Variants in GPX3 observed in about 807,000 individuals in gnomAD.
GPX3 encodes the protein glutathione peroxidase 3, also known as GPx-3.
GPX3 carries 22 observed loss-of-function variants against 25.1 expected under a neutral mutation model. The ratio of observed to expected loss-of-function variants is 0.88; its 90% CI spans 0.63 to 1.25. GPX3 has a LOEUF of 1.25. GPX3 is among the 50% of genes most tolerant of loss of function. The probability of loss-of-function intolerance (pLI) is 0.00; values close to 1 mark genes in which losing one functional copy is unlikely to be tolerated. For synonymous variants in GPX3, 110 were observed against 114.5 expected (o/e 0.96, Z 0.25); for missense variants, 278 against 286.6 (o/e 0.97, Z 0.22).
chr5:151,022,111 C>T (rs972127979), intron 1 of GPX3, among the ~76,000 whole-genome samples: 2 of 152,208 alleles, frequency 1.3e-5, no homozygotes, highest in African/African-American at 2.4e-5. Context: ...CATCCCTGTT[C>T]ATAATCCCCA....
rs749907550 is a variant in GPX3, at chr5:151,025,431, C to G, written c.179C>G (p.Ala60Gly). 1.9e-6 allele frequency: 3 copies of G among 1,612,854 alleles called. No individual in the cohort carries two copies. The highest frequency in any genetic ancestry group is 2.5e-6 in the Non-Finnish European group (3 of 1,179,396). Reference protein sequence around the residue: ...GEEYIPFKQYAGKYVLFVNVA... With the variant: ...GEEYIPFKQYGGKYVLFVNVA... ...GAGTACATCCCCTTCAAGCAGTATG[C>G]TGGCAAATACGTCCTCTTTGTCAAC... The change falls in exon 2 of 5, where the codon GCT becomes GGT. Residue 60 changes from alanine (A) to glycine (G), a missense_variant. Ala to Gly is a moderately conservative substitution (Grantham distance 60). Coordinates refer to ENST00000388825, the MANE Select transcript of GPX3 (RefSeq NM_002084.5).
At chr5:151,023,378 C>T (rs777085124) in intron 1 of GPX3, among the ~76,000 whole-genome samples, 2 of 152,136 alleles carry the variant, frequency 1.3e-5, no homozygotes, top group Non-Finnish European at 2.9e-5. Context: ...TTCCCACAAC[C>T]ATTTTGGGCA....
At chr5:151,024,058 T>C (rs1211101311) in intron 1 of GPX3, among the ~76,000 whole-genome samples, 1 of 152,194 alleles carries the variant, frequency 6.6e-6, no homozygotes, top group Non-Finnish European at 1.5e-5. Flanking sequence ...TTCTCCAGAA[T>C]TGAGGGGAAG....
chr5:151,024,793 T>G (rs1756523356), intron 1 of GPX3, among the ~76,000 whole-genome samples: 1 of 152,212 alleles, frequency 6.6e-6, no homozygotes, highest in African/African-American at 2.4e-5. Flanking sequence ...TCCTGCAGAT[T>G]GGGAGCCTCT....
At chr5:151,026,002 T>G (rs1236729184) in intron 2 of GPX3, among the ~76,000 whole-genome samples, 1 of 142,312 alleles carries the variant, frequency 7.0e-6, no homozygotes, top group East Asian at 2.1e-4. Flanking sequence ...TAGTTTAGCC[T>G]TCCCCTCTTC....
chr5:151,022,188 T>C (rs1326477063), intron 1 of GPX3, among the ~76,000 whole-genome samples: 1 of 152,174 alleles, frequency 6.6e-6, no homozygotes, highest in Non-Finnish European at 1.5e-5. Context: ...GGGTGGGCCA[T>C]AGACAGGCCA....
chr5:151,025,571 G>A, intron 2 of GPX3, 78 bp downstream of exon 2: 1 of 1,276,586 alleles, frequency 7.8e-7, no homozygotes, highest in Non-Finnish European at 1.1e-6. Flanking sequence ...TCTGGTGCAT[G>A]GGGGAAAGGG....
chr5:151,024,330 G>C (rs111754352), intron 1 of GPX3, among the ~76,000 whole-genome samples: 3 of 152,130 alleles, frequency 2.0e-5, no homozygotes, highest in Non-Finnish European at 2.9e-5. Context: ...TCTGTGTCAC[G>C]GGCAGAGTAG....
chr5:151,025,634 TG>T (rs926909155), intron 2 of GPX3, 141 bp downstream of exon 2: 2 of 692,916 alleles, frequency 2.9e-6, no homozygotes, highest in African/African-American at 3.7e-5. Context: ...CTGTGTTCCG[TG>T]GTTTTGTGAA....
chr5:151,028,838 CCTGT>C lies in GPX3; in HGVS notation c.*712_*715del, dbSNP rs1457932108. 6.5e-6 allele frequency: 1 copy of C among 152,806 alleles called. No homozygotes were observed. Among genetic ancestry groups the C allele is most frequent in the Non-Finnish European group, 1.5e-5 (1 of 68,218 alleles). 9.5% of individuals were successfully genotyped at this position (152,806 alleles called of 1,614,324 possible). A position where few individuals can be genotyped will look rare whatever the true frequency, so the allele number is the denominator to read the frequency against. ...CCCTTGTGGGCGGACCTCCCCTGAG[CCTGT>C]CTGAGGGGCCAGCCCTTAGTGCATT... On this transcript the variant is annotated 3_prime_UTR_variant, in exon 5 of 5. Transcript: ENST00000388825.
intron 1 of GPX3, among the ~76,000 whole-genome samples, chr5:151,024,600 G>A (rs1031636145): frequency 1.3e-5 from 2 of 152,218 alleles, no homozygotes; most frequent in African/African-American, 4.8e-5. Context: ...TTGTCCTGGA[G>A]GCTGACTGTG....
chr5:151,025,462 C>T lies in GPX3; in HGVS notation c.210C>T (p.Ala70=). ...AGKYVLFVNV[A]SYUGLTGQYI... is the part of the protein sequence containing the mutation. Reference sequence around the variant, plus strand: ...AATACGTCCTCTTTGTCAACGTGGCCAGCTACTGAGGCCTGACGGGCCAGT... The same window carrying T: ...AATACGTCCTCTTTGTCAACGTGGCTAGCTACTGAGGCCTGACGGGCCAGT... Residue 70 remains alanine (A), a synonymous_variant, in exon 2 of 5, where the codon GCC becomes GCT. Transcript: ENST00000388825. 1 of 1,611,792 alleles carries T rather than the reference C, an allele frequency of 6.2e-7. No homozygotes were observed. Among genetic ancestry groups the T allele is most frequent in the Non-Finnish European group, 8.5e-7 (1 of 1,179,026 alleles).
chr5:151,028,360 T>C lies in GPX3; in HGVS notation c.*230T>C, dbSNP rs1581700389. 9.1e-6 allele frequency: 5 copies of C among 552,420 alleles called. No individual in the cohort carries two copies. In the East Asian group the frequency reaches 1.2e-4, roughly 14 times the overall value. The allele number at this position is 552,420 out of a possible 1,614,324, so 34.2% of individuals were successfully genotyped here. A position where few individuals can be genotyped will look rare whatever the true frequency, so the allele number is the denominator to read the frequency against. On this transcript the variant is annotated 3_prime_UTR_variant, in exon 5 of 5. Coordinates refer to ENST00000388825, the MANE Select transcript of GPX3 (RefSeq NM_002084.5). ...ACAGGTATGCGTGATTGTGTGTGTG[T>C]GCATGGGTGTACAGCCACGTGTCTA... is the stretch of plus-strand genomic sequence containing the variant.
In GPX3 at chr5:151,026,880, GCT is replaced by G; in HGVS notation, c.242-17_242-16del. 4 of 1,569,290 alleles carry G rather than the reference GCT, an allele frequency of 2.5e-6. No individual in the cohort carries two copies. Among genetic ancestry groups the G allele is most frequent in the Non-Finnish European group, 3.5e-6 (4 of 1,141,000 alleles). ...TCCTCGCCAGGATACTCCCACATCT[GCT>G]CTTTCTCTTTGGCCCAGAACTGAAT... On this transcript the variant is annotated intron_variant, in intron 2 of 4. Coordinates refer to ENST00000388825, the MANE Select transcript of GPX3 (RefSeq NM_002084.5).
At chr5:151,023,537 G>C (rs8177429) in intron 1 of GPX3, among the ~76,000 whole-genome samples, 21,527 of 152,156 alleles carry the variant, frequency 0.14, 2,074 homozygotes, top group East Asian at 0.46. Flanking sequence ...TGGTCCTTCT[G>C]TTTACAAGTT....
intron 1 of GPX3, among the ~76,000 whole-genome samples, chr5:151,023,733 C>T (rs926848075): frequency 6.6e-6 from 1 of 152,114 alleles, no homozygotes; most frequent in South Asian, 2.1e-4. Flanking sequence ...GCGGAACTGG[C>T]CCTGGCTGGG....
intron 2 of GPX3, 43 bp downstream of exon 2, chr5:151,025,536 G>T: frequency 6.6e-7 from 1 of 1,513,428 alleles, no homozygotes; most frequent in Non-Finnish European, 8.9e-7. Flanking sequence ...GGGGCTGTAT[G>T]GCATATTTCA....
rs1471459060 is a variant in GPX3 at position 151,025,101 on chromosome 5, ATAT to A, written c.88-236_88-234del. Among the ~76,000 whole-genome samples the A allele has an allele frequency of 2.0e-5, 3 of 152,274 alleles. No individual in the cohort carries two copies. In the South Asian group the frequency reaches 6.2e-4, roughly 32 times the overall value. ...TTAATAAGTGCTTATTAGGTGCTTA[ATAT>A]TAATAAGTGCTTTTTAAGCACTTAA... On this transcript the variant is annotated intron_variant, in intron 1 of 4. Coordinates refer to ENST00000388825, the MANE Select transcript of GPX3 (RefSeq NM_002084.5).
chr5:151,020,898 C>T (rs895082399), intron 1 of GPX3, 157 bp downstream of exon 1: 1 of 726,908 alleles, frequency 1.4e-6, no homozygotes, highest in African/African-American at 1.7e-5. Context: ...CCCTCCGCCG[C>T]CGGGACCCCG....
Sources: allele counts gnomAD v4.1 joint callset (sites outside exome capture counted in the v4.1 genomes callset), GRCh38; gene constraint gnomAD v4.1.1; transcripts MANE v1.5; gene names NCBI Gene and HGNC (gene_info 2026-07-23, HGNC 2026-07-21).